PPFIBP1: variants seen among roughly 807,000 people sequenced by gnomAD.
PPFIBP1 encodes liprin-beta-1.
Under a neutral mutation model 137.8 loss-of-function variants are expected in PPFIBP1, and 112 were observed. The observed-to-expected ratio is 0.81, with a 90% CI of 0.70 to 0.95. The LOEUF (loss-of-function observed/expected upper bound fraction) is 0.95, where lower values mean the gene tolerates loss of function less well. Ranked by LOEUF, PPFIBP1 falls within the 40% of genes least tolerant of loss-of-function variation. The probability of loss-of-function intolerance (pLI) is 0.00; values close to 1 mark genes in which losing one functional copy is unlikely to be tolerated. For synonymous variants in PPFIBP1, 378 were observed against 417.3 expected (o/e 0.91, Z 1.15); for missense variants, 1,083 against 1,196.6 (o/e 0.91, Z 1.40).
chr12:27,537,037 A>T (rs1014405589), intron 1 of PPFIBP1, among the ~76,000 whole-genome samples: 3 of 151,932 alleles, frequency 2.0e-5, no homozygotes, highest in Non-Finnish European at 4.4e-5. Flanking sequence ...ATCACTCTTC[A>T]TTCCCCCTAC....
At chr12:27,535,945 C>T (rs868809345) in intron 1 of PPFIBP1, among the ~76,000 whole-genome samples, 1 of 152,070 alleles carries the variant, frequency 6.6e-6, no homozygotes, top group East Asian at 1.9e-4. Context: ...CCTTTTGTGC[C>T]GTCATTTTCA....
intron 17 of PPFIBP1, among the ~76,000 whole-genome samples, chr12:27,675,222 G>T (rs1408207899): frequency 1.3e-5 from 2 of 152,120 alleles, no homozygotes; most frequent in East Asian, 3.9e-4. Flanking sequence ...TTGACTGTTG[G>T]CTCTTAGTGC....
rs1290886577 is a variant in PPFIBP1, at chr12:27,597,853, G to A, written c.-36+19614G>A. Among the ~76,000 whole-genome samples, 32 of 152,140 alleles carry A rather than the reference G, an allele frequency of 2.1e-4. 1 individual carries two copies. Among genetic ancestry groups the A allele is most frequent in the Non-Finnish European group, 8.8e-5 (6 of 67,992 alleles). ...GAGTTTTGCTCTTGCTGCCCTGGCTGGAGTGCAGTGGCATGATCTCCAGCT... is the reference window on the plus strand; with the variant it reads ...GAGTTTTGCTCTTGCTGCCCTGGCTAGAGTGCAGTGGCATGATCTCCAGCT... On this transcript the variant is annotated intron_variant, in intron 2 of 29. Coordinates refer to ENST00000228425, the MANE Select transcript of PPFIBP1 (RefSeq NM_003622.4).
chr12:27,651,763 A>G (rs184173957), intron 7 of PPFIBP1, among the ~76,000 whole-genome samples: 14 of 152,326 alleles, frequency 9.2e-5, no homozygotes, highest in Admixed American at 2.0e-4. Context: ...TAATTTGTAT[A>G]TGAGATGTTA....
chr12:27,667,408 G>T (rs1458532360), intron 13 of PPFIBP1, 88 bp downstream of exon 13: 21 of 1,203,690 alleles, frequency 1.7e-5, no homozygotes, highest in Non-Finnish European at 2.2e-5. Context: ...GAAAAACATG[G>T]GTTCCTTTCT....
intron 2 of PPFIBP1, among the ~76,000 whole-genome samples, chr12:27,615,111 G>T (rs552335252): frequency 8.5e-5 from 13 of 152,286 alleles, no homozygotes; most frequent in African/African-American, 2.9e-4. Flanking sequence ...AGCTTGGGCT[G>T]CTCACCATAT....
chr12:27,661,049 A>G lies in PPFIBP1; in HGVS notation c.906+104A>G, dbSNP rs2059514221. On this transcript the variant is annotated intron_variant, in intron 11 of 29. Coordinates refer to ENST00000228425, the MANE Select transcript of PPFIBP1 (RefSeq NM_003622.4). ...TGCCATTTTAAAAGAACATGCCCAG[A>G]ACACTGCTAGGAGTGAGGGGCAGGT... The G allele has an allele frequency of 3.4e-6, 5 of 1,467,704 alleles. No homozygotes were observed. The South Asian group carries it at 6.8e-5, about 20-fold the overall frequency. 90.9% of individuals were successfully genotyped at this position (1,467,704 alleles called of 1,614,324 possible). A position where few individuals can be genotyped will look rare whatever the true frequency, so the allele number is the denominator to read the frequency against.
intron 11 of PPFIBP1, among the ~76,000 whole-genome samples, chr12:27,663,919 A>T (rs1337416087): frequency 6.6e-6 from 1 of 152,146 alleles, no homozygotes; most frequent in Non-Finnish European, 1.5e-5. Flanking sequence ...GAGTGTTTTA[A>T]GAGGGGAGAA....
At chr12:27,662,753 A>C (rs754059208) in intron 11 of PPFIBP1, among the ~76,000 whole-genome samples, 12 of 152,214 alleles carry the variant, frequency 7.9e-5, no homozygotes, top group Non-Finnish European at 1.8e-4. Flanking sequence ...GGACATTCTA[A>C]AGGAGATTTC....
rs1247418090 is a variant in PPFIBP1, at chr12:27,599,302, A to T, written c.-36+21063A>T. The T allele has an allele frequency of 1.3e-5, 4 of 303,664 alleles. No homozygotes were observed. In the East Asian group the frequency reaches 2.5e-4, roughly 19 times the overall value. The allele number at this position is 303,664 out of a possible 1,614,324, so 18.8% of individuals were successfully genotyped here. ...CATTGAGGCCTGAGTAAAACAAAAC[A>T]CTGAGTAAAGGAGATTTTGCACAGT... On this transcript the variant is annotated intron_variant, in intron 2 of 29. Transcript: ENST00000228425.
intron 1 of PPFIBP1, among the ~76,000 whole-genome samples, chr12:27,527,746 G>C (rs1943937074): frequency 6.6e-6 from 1 of 151,554 alleles, no homozygotes; most frequent in African/African-American, 2.4e-5. Flanking sequence ...GATTTCCTTA[G>C]AAAGTCATAT....
At chr12:27,529,552 A>C (rs1472292526) in intron 1 of PPFIBP1, among the ~76,000 whole-genome samples, 1 of 152,110 alleles carries the variant, frequency 6.6e-6, no homozygotes, top group Non-Finnish European at 1.5e-5. Flanking sequence ...AAATTGGCCG[A>C]ATGTGGTGGC....
At chr12:27,661,968 T>A (rs753970836) in intron 11 of PPFIBP1, among the ~76,000 whole-genome samples, 5 of 152,218 alleles carry the variant, frequency 3.3e-5, no homozygotes, top group African/African-American at 7.2e-5. Flanking sequence ...TATTTTTTTT[T>A]AAATCACTGA....
chr12:27,579,929 A>G (rs540837446), intron 2 of PPFIBP1, among the ~76,000 whole-genome samples: 391 of 152,208 alleles, frequency 2.6e-3, no homozygotes, highest in African/African-American at 8.7e-3. Flanking sequence ...TATGTGAGTG[A>G]TGTGGTGGGG....
At position 27,608,373 on chromosome 12, in the gene PPFIBP1, A is replaced by G. The variant is rs565101879; in HGVS notation, c.-35-24989A>G. On this transcript the variant is annotated intron_variant, in intron 2 of 29. Coordinates refer to ENST00000228425, the MANE Select transcript of PPFIBP1 (RefSeq NM_003622.4). ...AATAATCACAAATATTCGAGACATT[A>G]AATGCAGGACTGTGACTCCATATTG... is the stretch of plus-strand genomic sequence containing the variant. 1.8e-4 allele frequency among the ~76,000 whole-genome samples: 28 copies of G among 152,332 alleles called. No homozygotes were observed. In the East Asian group the frequency reaches 5.2e-3, roughly 28 times the overall value.
intron 13 of PPFIBP1, 84 bp downstream of exon 13, chr12:27,667,404 C>T: frequency 8.2e-7 from 1 of 1,220,938 alleles, no homozygotes; most frequent in South Asian, 2.9e-5. Flanking sequence ...ACATGAAAAA[C>T]ATGGGTTCCT....
intron 1 of PPFIBP1, among the ~76,000 whole-genome samples, chr12:27,530,392 G>A (rs1309513917): frequency 6.6e-6 from 1 of 152,134 alleles, no homozygotes; most frequent in East Asian, 1.9e-4. Context: ...CCTGAATCTC[G>A]GTGTTTTTCC....
chr12:27,655,246 C>T (rs1176121607), intron 8 of PPFIBP1: 23 of 1,500,508 alleles, frequency 1.5e-5, no homozygotes, highest in East Asian at 4.9e-5. Flanking sequence ...GTGTAGTAGA[C>T]GTTGGGTGAT....
At chr12:27,557,343 C>A (rs879810859) in intron 1 of PPFIBP1, among the ~76,000 whole-genome samples, 9 of 151,074 alleles carry the variant, frequency 6.0e-5, no homozygotes, top group Admixed American at 5.9e-4. Context: ...TCAAGCGATT[C>A]TCCTGTCTCA....
Sources: gnomAD v4.1 joint callset for allele counts (sites outside exome capture counted in the v4.1 genomes callset) on GRCh38, gnomAD v4.1.1 for gene constraint, MANE v1.5 for transcripts, NCBI Gene and HGNC (gene_info 2026-07-23, HGNC 2026-07-21) for gene names.